Variants in EVI5 observed in about 807,000 individuals in gnomAD.
EVI5 encodes ecotropic viral integration site 5 protein homolog.
Under a neutral mutation model 112.0 loss-of-function variants are expected in EVI5, and 73 were observed. That is an observed-to-expected ratio of 0.65 (90% confidence interval 0.54 to 0.79). The LOEUF (loss-of-function observed/expected upper bound fraction) is 0.79, where lower values mean the gene tolerates loss of function less well. Among genes scored for constraint, EVI5 ranks in the 30% least tolerant of loss-of-function variants. The pLI is 0.00. For missense variants in EVI5, 900 were observed against 968.8 expected (o/e 0.93, Z 0.94); for synonymous variants, 305 against 319.9 (o/e 0.95, Z 0.50).
At chr1:92,690,132 C>T (rs1280368855) in intron 9 of EVI5, among the ~76,000 whole-genome samples, 1 of 152,124 alleles carries the variant, frequency 6.6e-6, no homozygotes, top group Non-Finnish European at 1.5e-5. Context: ...CTTGCCTGGG[C>T]CTCCCAAAGT....
intron 1 of EVI5, among the ~76,000 whole-genome samples, chr1:92,776,643 T>C (rs1684170899): frequency 1.3e-5 from 2 of 151,622 alleles, no homozygotes; most frequent in African/African-American, 4.8e-5. Context: ...GACTTTTTTT[T>C]TTTTTTTTGA....
intron 1 of EVI5, among the ~76,000 whole-genome samples, chr1:92,741,033 A>C (rs937136227): frequency 6.6e-6 from 1 of 152,222 alleles, no homozygotes; most frequent in Non-Finnish European, 1.5e-5. Flanking sequence ...AAGGAGGGGA[A>C]TATATCCGCA....
intron 19 of EVI5, among the ~76,000 whole-genome samples, chr1:92,526,675 T>C (rs1661932970): frequency 1.3e-5 from 2 of 152,194 alleles, no homozygotes; most frequent in Non-Finnish European, 2.9e-5. Context: ...CAGTAAGCAG[T>C]GGTTGCAGGA....
intron 18 of EVI5, among the ~76,000 whole-genome samples, chr1:92,589,929 C>T (rs1396077735): frequency 5.3e-5 from 8 of 152,186 alleles, no homozygotes; most frequent in East Asian, 3.9e-4. Flanking sequence ...TCCAGAGGAA[C>T]GATCAGGCAG....
At chr1:92,591,358 A>G (rs1673850215) in intron 18 of EVI5, among the ~76,000 whole-genome samples, 1 of 152,200 alleles carries the variant, frequency 6.6e-6, no homozygotes, top group African/African-American at 2.4e-5. Context: ...TGCTGTATTC[A>G]GGAAACCCAC....
At chr1:92,716,489 T>C (rs927382665) in intron 2 of EVI5, among the ~76,000 whole-genome samples, 4 of 151,738 alleles carry the variant, frequency 2.6e-5, no homozygotes, top group African/African-American at 4.8e-5. Flanking sequence ...AGACCAAAGG[T>C]AGATAAAACC....
chr1:92,636,081 T>G (rs1658766419), intron 14 of EVI5, 121 bp downstream of exon 14: 3 of 756,122 alleles, frequency 4.0e-6, no homozygotes, highest in Non-Finnish European at 6.1e-6. Flanking sequence ...TCTTAGTAAC[T>G]AATATGTAAG....
At chr1:92,685,557 C>A (rs2102397040) in intron 9 of EVI5, among the ~76,000 whole-genome samples, 2 of 152,180 alleles carry the variant, frequency 1.3e-5, no homozygotes, top group Middle Eastern at 3.4e-3. Context: ...AAGATCAGAG[C>A]AGAACTGAAG....
At chr1:92,759,850 C>T (rs1681531968) in intron 1 of EVI5, among the ~76,000 whole-genome samples, 1 of 136,602 alleles carries the variant, frequency 7.3e-6, no homozygotes, top group Non-Finnish European at 1.5e-5. Context: ...CATACATATA[C>T]AAATACCCTC....
chr1:92,729,236 T>A (rs1235498507), intron 2 of EVI5, among the ~76,000 whole-genome samples: 1 of 152,184 alleles, frequency 6.6e-6, no homozygotes, highest in Non-Finnish European at 1.5e-5. Flanking sequence ...GTATGATAAA[T>A]GCTTAATTAA....
At chr1:92,606,921 C>A (rs2101595459) in intron 17 of EVI5, among the ~76,000 whole-genome samples, 1 of 99,754 alleles carries the variant, frequency 1.0e-5, no homozygotes, top group African/African-American at 3.5e-5. Flanking sequence ...CACACACACA[C>A]ACCCCCCCAA....
At chr1:92,756,753 T>C (rs1161551690) in intron 1 of EVI5, 2 of 496,906 alleles carry the variant, frequency 4.0e-6, no homozygotes, top group Admixed American at 2.2e-5. Flanking sequence ...TGGTATCTAC[T>C]ATGCACGCCT....
rs189845641 is a variant in EVI5 at position 92,721,908 on chromosome 1, C to T, written c.149+14490G>A. Among the ~76,000 whole-genome samples, 18 of 152,202 alleles carry T rather than the reference C, an allele frequency of 1.2e-4. No homozygotes were observed. The East Asian group carries it at 2.9e-3, about 24-fold the overall frequency. Reference sequence around the variant, plus strand: ...CTTTGGTCACTTACAAAATCTATACCAGAAGTTATCTTTACTGGAAACTAC... The same window carrying T: ...CTTTGGTCACTTACAAAATCTATACTAGAAGTTATCTTTACTGGAAACTAC... On this transcript the variant is annotated intron_variant, in intron 2 of 19. Transcript: ENST00000684568.
At chr1:92,694,556 T>A (rs558308548) in intron 7 of EVI5, among the ~76,000 whole-genome samples, 168 bp from the exon 8 acceptor site, 2 of 152,288 alleles carry the variant, frequency 1.3e-5, no homozygotes, top group South Asian at 2.1e-4. Flanking sequence ...TGGGCTATAT[T>A]GTCTGTCAAA....
At position 92,509,036 on chromosome 1, in the gene EVI5, T is replaced by C. The variant is rs1235051864; in HGVS notation, c.*4620A>G. On this transcript the variant is annotated 3_prime_UTR_variant, in exon 20 of 20. Transcript: ENST00000684568. ...AACTTTCAAGCTAAAACTCATTGTT[T>C]TGGTAAGTAAATAACTGATTTCATG... The C allele has an allele frequency of 6.6e-6, 1 of 152,196 alleles. No individual in the cohort carries two copies. Among genetic ancestry groups the C allele is most frequent in the Non-Finnish European group, 1.5e-5 (1 of 68,024 alleles). 9.4% of individuals were successfully genotyped at this position (152,196 alleles called of 1,614,324 possible).
chr1:92,539,040 T>C (rs547507863), intron 19 of EVI5, among the ~76,000 whole-genome samples: 1 of 152,340 alleles, frequency 6.6e-6, no homozygotes, highest in East Asian at 1.9e-4. Flanking sequence ...TATCTAATCC[T>C]TTATAATATC....
chr1:92,735,745 T>C (rs1677296883), intron 2 of EVI5, among the ~76,000 whole-genome samples: 2 of 143,658 alleles, frequency 1.4e-5, no homozygotes, highest in South Asian at 4.2e-4. Context: ...AATATAATCA[T>C]ATTAAAATAT....
At chr1:92,696,993 C>T (rs2005720) in intron 6 of EVI5, among the ~76,000 whole-genome samples, 140,236 of 152,220 alleles carry the variant, frequency 0.92, 64,686 homozygotes, top group East Asian at 0.97. Flanking sequence ...TGAGCCGACA[C>T]CACGCCACTG....
chr1:92,545,273 G>T (rs1665486882), intron 19 of EVI5, among the ~76,000 whole-genome samples: 1 of 151,966 alleles, frequency 6.6e-6, no homozygotes, highest in African/African-American at 2.4e-5. Context: ...ACAGGGTCTT[G>T]CTTTGTTGCC....
Sources: gnomAD v4.1 joint callset for allele counts (sites outside exome capture counted in the v4.1 genomes callset) on GRCh38, gnomAD v4.1.1 for gene constraint, MANE v1.5 for transcripts, NCBI Gene and HGNC (gene_info 2026-07-23, HGNC 2026-07-21) for gene names.